PGM5: variants seen among roughly 807,000 people sequenced by gnomAD.
PGM5 encodes phosphoglucomutase 5, also known as phosphoglucomutase-like protein 5.
A neutral mutation model predicts 59.2 loss-of-function variants in PGM5; 23 were observed. The ratio of observed to expected loss-of-function variants is 0.39; its 90% CI spans 0.28 to 0.55. The LOEUF (loss-of-function observed/expected upper bound fraction) is 0.55. Among genes scored for constraint, PGM5 ranks in the 20% least tolerant of loss-of-function variants. PGM5 has a pLI of 0.66. For missense variants in PGM5, 574 were observed against 748.3 expected, an observed-to-expected ratio of 0.77 and a Z score of 2.72; for synonymous variants, 214 against 286.0, an observed-to-expected ratio of 0.75 and a Z score of 2.54.
intron 10 of PGM5, among the ~76,000 whole-genome samples, chr9:68,511,880 G>A (rs1181576826): frequency 6.6e-6 from 1 of 151,966 alleles, no homozygotes; most frequent in Non-Finnish European, 1.5e-5. Context: ...TAACATCTCA[G>A]AGACCAAACT....
At chr9:68,421,433 G>C (rs1554682335) in intron 6 of PGM5, among the ~76,000 whole-genome samples, 1 of 152,140 alleles carries the variant, frequency 6.6e-6, no homozygotes, top group Non-Finnish European at 1.5e-5. Context: ...AATACTTAGA[G>C]CTGGCCAGGC....
At chr9:68,489,041 G>A (rs782294521) in intron 9 of PGM5, among the ~76,000 whole-genome samples, 15 of 152,132 alleles carry the variant, frequency 9.9e-5, no homozygotes, top group Admixed American at 2.6e-4. Context: ...TGCAAACATC[G>A]AGGGTTTCCA....
intron 6 of PGM5, among the ~76,000 whole-genome samples, chr9:68,452,959 G>T (rs1036732014): frequency 6.6e-6 from 1 of 152,208 alleles, no homozygotes; most frequent in African/African-American, 2.4e-5. Context: ...CTCTTCAAAA[G>T]TGTTCAGTAG....
intron 6 of PGM5, among the ~76,000 whole-genome samples, chr9:68,456,223 GCTGT>G (rs1198809888): frequency 6.6e-6 from 1 of 151,706 alleles, no homozygotes; most frequent in Non-Finnish European, 1.5e-5. Context: ...TTATAATCTT[GCTGT>G]CTTTTTTTTT....
chr9:68,400,502 C>A (rs1196850586), intron 6 of PGM5: 1 of 152,430 alleles, frequency 6.6e-6, no homozygotes, highest in Non-Finnish European at 1.5e-5. Flanking sequence ...CTCAGTAAGT[C>A]CTTTGATACC....
intron 6 of PGM5, among the ~76,000 whole-genome samples, chr9:68,436,364 C>T (rs771985984): frequency 1.3e-5 from 2 of 151,960 alleles, no homozygotes; most frequent in Admixed American, 6.6e-5. Context: ...AGGTCATTGG[C>T]GGAGGGAAGC....
chr9:68,485,697 A>T (rs1272203645), intron 9 of PGM5, among the ~76,000 whole-genome samples: 1 of 152,166 alleles, frequency 6.6e-6, no homozygotes, highest in South Asian at 2.1e-4. Flanking sequence ...TCTGAGCTCA[A>T]TTGTAGCTAT....
chr9:68,428,075 T>G lies in PGM5; in HGVS notation c.1043+35602T>G, dbSNP rs141566545. Among the ~76,000 whole-genome samples the G allele has an allele frequency of 3.8e-3, 578 of 152,354 alleles. 1 individual carries two copies. The highest frequency in any genetic ancestry group is 0.013 in the African/African-American group (524 of 41,592). The stretch of plus-strand genomic sequence containing the variant: ...TTTGGCTAAAAATTTATACACTTTA[T>G]GGCTATCCATTGTGGTACAACCATA... On this transcript the variant is annotated intron_variant, in intron 6 of 10. Coordinates refer to ENST00000396396, the MANE Select transcript of PGM5 (RefSeq NM_021965.4).
At chr9:68,499,444 ATTTTACCTCC>A (rs1282501339) in intron 10 of PGM5, 83 bp downstream of exon 10, 33 of 1,366,510 alleles carry the variant, frequency 2.4e-5, no homozygotes, top group Non-Finnish European at 3.2e-5. Flanking sequence ...TAGTGGGGCT[ATTTTACCTCC>A]TGGAAAGGTA....
chr9:68,508,689 T>C (rs1244148792), intron 10 of PGM5, among the ~76,000 whole-genome samples: 2 of 152,200 alleles, frequency 1.3e-5, no homozygotes, highest in Non-Finnish European at 2.9e-5. Flanking sequence ...AGTCCAGAGG[T>C]CACTGGTCAT....
chr9:68,379,106 T>A (rs1436934387), intron 2 of PGM5, among the ~76,000 whole-genome samples: 1 of 152,190 alleles, frequency 6.6e-6, no homozygotes, highest in Admixed American at 6.6e-5. Context: ...TGTGCTAACA[T>A]ACCTAACAAT....
At chr9:68,461,920 G>A (rs1823863994) in intron 6 of PGM5, among the ~76,000 whole-genome samples, 1 of 151,742 alleles carries the variant, frequency 6.6e-6, no homozygotes, top group South Asian at 2.1e-4. Context: ...AAGAAGGACT[G>A]GGCAGTATAC....
At chr9:68,517,979 G>A (rs1047320802) in intron 10 of PGM5, among the ~76,000 whole-genome samples, 4 of 152,226 alleles carry the variant, frequency 2.6e-5, no homozygotes, top group Non-Finnish European at 1.5e-5. Flanking sequence ...TGCTTTTGAT[G>A]ACTGGCACAG....
intron 9 of PGM5, among the ~76,000 whole-genome samples, chr9:68,485,180 T>A (rs1421984139): frequency 6.6e-6 from 1 of 152,202 alleles, no homozygotes; most frequent in East Asian, 1.9e-4. Flanking sequence ...CTTGGATACC[T>A]TTTCCTTAGA....
chr9:68,375,268 G>C (rs1821849380), intron 1 of PGM5, among the ~76,000 whole-genome samples: 1 of 152,220 alleles, frequency 6.6e-6, no homozygotes, highest in East Asian at 1.9e-4. Flanking sequence ...GCATCGTTCA[G>C]TGTGGGAGGG....
chr9:68,492,583 C>T (rs1285173026), intron 9 of PGM5, among the ~76,000 whole-genome samples: 2 of 152,100 alleles, frequency 1.3e-5, no homozygotes, highest in African/African-American at 2.4e-5. Context: ...GGTACCCAGC[C>T]TAATGGGGAA....
intron 6 of PGM5, among the ~76,000 whole-genome samples, chr9:68,404,792 A>T (rs1424143319): frequency 6.6e-6 from 1 of 152,192 alleles, no homozygotes; most frequent in Non-Finnish European, 1.5e-5. Context: ...ATCCACCAGG[A>T]CTCACAGAGA....
chr9:68,397,389 C>T (rs1822538433), intron 6 of PGM5: 1 of 152,320 alleles, frequency 6.6e-6, no homozygotes, highest in Admixed American at 6.5e-5. Context: ...ATTCACTAGA[C>T]ATATTTACAG....
At chr9:68,480,712 A>C (rs1320766907) in intron 8 of PGM5, among the ~76,000 whole-genome samples, 2 of 152,042 alleles carry the variant, frequency 1.3e-5, no homozygotes, top group Non-Finnish European at 2.9e-5. Flanking sequence ...AAAAAAAACA[A>C]AACAAAACAA....
Sources: allele counts gnomAD v4.1 joint callset (sites outside exome capture counted in the v4.1 genomes callset), GRCh38; gene constraint gnomAD v4.1.1; transcripts MANE v1.5; gene names NCBI Gene and HGNC (gene_info 2026-07-23, HGNC 2026-07-21).